NRXN1: variants seen among roughly 807,000 people sequenced by gnomAD.
NRXN1 encodes the protein neurexin 1.
NRXN1 carries 39 observed loss-of-function variants against 150.9 expected under a neutral mutation model. That is an observed-to-expected ratio of 0.26 (90% CI 0.20 to 0.34). The LOEUF is 0.34. NRXN1 is among the 10% of genes least tolerant of loss of function. NRXN1 has a pLI of 1.00. For synonymous variants in NRXN1, 924 were observed against 757.0 expected (o/e 1.22, Z -3.62); for missense variants, 1,815 against 1,949.9 (o/e 0.93, Z 1.30).
At chr2:50,248,850 T>C (rs566562201) in intron 17 of NRXN1, among the ~76,000 whole-genome samples, 1 of 152,194 alleles carries the variant, frequency 6.6e-6, no homozygotes, top group South Asian at 2.1e-4. Flanking sequence ...TGTGTAGAAA[T>C]TGGCATACGT....
intron 17 of NRXN1, among the ~76,000 whole-genome samples, chr2:50,404,303 C>T (rs967295193): frequency 1.3e-5 from 2 of 152,014 alleles, no homozygotes; most frequent in African/African-American, 4.8e-5. Flanking sequence ...TAAAAGTATC[C>T]ATTCTCCTCC....
intron 17 of NRXN1, among the ~76,000 whole-genome samples, chr2:50,398,318 A>G (rs901934706): frequency 1.3e-5 from 2 of 152,160 alleles, no homozygotes; most frequent in African/African-American, 4.8e-5. Context: ...TCATTATCTT[A>G]GCATTCTTAT....
chr2:50,605,975 A>T (rs1677045049), intron 8 of NRXN1, among the ~76,000 whole-genome samples: 1 of 152,052 alleles, frequency 6.6e-6, no homozygotes. Context: ...TAAAAAAGAG[A>T]ATCAGCCAGG....
intron 8 of NRXN1, among the ~76,000 whole-genome samples, chr2:50,590,433 C>T (rs11893023): frequency 0.035 from 5,265 of 152,186 alleles, 298 homozygotes; most frequent in African/African-American, 0.12. Context: ...TTAGTATGCA[C>T]AGCTTTTCCC....
intron 12 of NRXN1, among the ~76,000 whole-genome samples, chr2:50,524,465 C>A (rs2092886458): frequency 6.8e-6 from 1 of 147,382 alleles, no homozygotes; most frequent in African/African-American, 2.5e-5. Context: ...GATGAGAGAG[C>A]AAGAGTCCAT....
intron 5 of NRXN1, among the ~76,000 whole-genome samples, chr2:50,802,498 AATGG>A (rs1156273756): frequency 1.6e-5 from 1 of 62,556 alleles, no homozygotes. Context: ...GAGAAAGAGA[AATGG>A]AAGGAAGGAA....
intron 18 of NRXN1, among the ~76,000 whole-genome samples, chr2:50,226,483 T>G: frequency 6.6e-6 from 1 of 151,246 alleles, no homozygotes. Context: ...GAAAAGGAGG[T>G]AGAAGAGAAA....
Position 50,526,526 on chromosome 2 carries a change from A to G in NRXN1, c.2374+2099T>C, listed in dbSNP as rs1210129030. On this transcript the variant is annotated intron_variant, in intron 12 of 22. Coordinates refer to ENST00000401669, the MANE Select transcript of NRXN1 (RefSeq NM_001330078.2). ...GTTAATTTAGTTTTTATTGAGTACA[A>G]AATGCACTCCAGGTAGAAATCACTG... is the stretch of plus-strand genomic sequence containing the variant. Among the ~76,000 whole-genome samples, 3 of 152,172 alleles carry G rather than the reference A, an allele frequency of 2.0e-5. No individual in the cohort carries two copies. In the East Asian group the frequency reaches 5.8e-4, roughly 29 times the overall value.
At chr2:50,843,884 T>G (rs1673234482) in intron 5 of NRXN1, among the ~76,000 whole-genome samples, 1 of 152,146 alleles carries the variant, frequency 6.6e-6, no homozygotes, top group Non-Finnish European at 1.5e-5. Context: ...TCCTAACTGT[T>G]ACATCAGGAT....
At chr2:50,285,319 G>T (rs1030967469) in intron 17 of NRXN1, among the ~76,000 whole-genome samples, 5 of 151,970 alleles carry the variant, frequency 3.3e-5, no homozygotes. Flanking sequence ...TTCTAGTTCA[G>T]AGTTTGGGAT....
chr2:50,690,637 G>T (rs1691934655), intron 5 of NRXN1, among the ~76,000 whole-genome samples: 1 of 152,314 alleles, frequency 6.6e-6, no homozygotes, highest in Non-Finnish European at 1.5e-5. Context: ...AAGTGGCTTT[G>T]AGAACATATA....
At chr2:50,821,059 G>C (rs549726607) in intron 5 of NRXN1, among the ~76,000 whole-genome samples, 36 of 152,242 alleles carry the variant, frequency 2.4e-4, no homozygotes, top group African/African-American at 8.4e-4. Context: ...CTTGGCAGAA[G>C]TTTAGGTGTC....
At chr2:50,502,887 C>G (rs985904471) in intron 13 of NRXN1, among the ~76,000 whole-genome samples, 1 of 152,146 alleles carries the variant, frequency 6.6e-6, no homozygotes, top group African/African-American at 2.4e-5. Flanking sequence ...ACCCCAGCAG[C>G]ACTGAGGTCA....
intron 5 of NRXN1, among the ~76,000 whole-genome samples, chr2:50,907,198 CAA>C (rs925492490): frequency 6.8e-6 from 1 of 147,760 alleles, no homozygotes; most frequent in Non-Finnish European, 1.5e-5. Flanking sequence ...AAAAAAAAAA[CAA>C]AAAAATAAAC....
rs191454716 is a variant in NRXN1, at chr2:50,809,414, G to C, written c.832+112455C>G. On this transcript the variant is annotated intron_variant, in intron 5 of 22. Coordinates refer to ENST00000401669, the MANE Select transcript of NRXN1 (RefSeq NM_001330078.2). ...GCATCATATGAATGGAGAAGAGCCA[G>C]GTAGGTGCTTTCCTAGAGAGAAAAA... 9.2e-5 allele frequency among the ~76,000 whole-genome samples: 14 copies of C among 152,126 alleles called. No homozygotes were observed. The East Asian group carries it at 2.7e-3, about 29-fold the overall frequency.
At chr2:49,933,890 G>A (rs1366237284) in intron 22 of NRXN1, among the ~76,000 whole-genome samples, 1 of 152,182 alleles carries the variant, frequency 6.6e-6, no homozygotes, top group African/African-American at 2.4e-5. Flanking sequence ...ATCTCCCCGG[G>A]AGTAGTTGTA....
intron 5 of NRXN1, among the ~76,000 whole-genome samples, chr2:50,911,412 C>T (rs1414271493): frequency 6.6e-6 from 1 of 151,516 alleles, no homozygotes; most frequent in Non-Finnish European, 1.5e-5. Flanking sequence ...CCATACATTT[C>T]CATATAATTT....
At chr2:50,223,388 A>G (rs1329370356) in intron 18 of NRXN1, among the ~76,000 whole-genome samples, 5 of 151,962 alleles carry the variant, frequency 3.3e-5, no homozygotes, top group Non-Finnish European at 7.4e-5. Context: ...ACCAGTTACA[A>G]ATAATCAAAT....
chr2:50,524,996 G>A (rs1245090766), intron 12 of NRXN1, among the ~76,000 whole-genome samples: 1 of 152,144 alleles, frequency 6.6e-6, no homozygotes, highest in Non-Finnish European at 1.5e-5. Context: ...ATGTGCTTTG[G>A]CAGATATAAA....
Sources: gnomAD v4.1 joint callset for allele counts (sites outside exome capture counted in the v4.1 genomes callset) on GRCh38, gnomAD v4.1.1 for gene constraint, MANE v1.5 for transcripts, NCBI Gene and HGNC (gene_info 2026-07-23, HGNC 2026-07-21) for gene names.